Variants in DNAAF1 observed in about 807,000 individuals in gnomAD.
DNAAF1 encodes the protein dynein assembly factor 1, axonemal.
Under a neutral mutation model 71.1 loss-of-function variants are expected in DNAAF1, and 65 were observed. That is an observed-to-expected ratio of 0.91 (90% confidence interval 0.75 to 1.12). The LOEUF is 1.12. DNAAF1 is among the 50% of genes most tolerant of loss of function. DNAAF1 has a pLI of 0.00. For synonymous variants in DNAAF1, 414 were observed against 354.6 expected (o/e 1.17, Z -1.88); for missense variants, 1,178 against 899.8 (o/e 1.31, Z -3.96).
chr16:84,154,657 G>T lies in DNAAF1; in HGVS notation c.433G>T (p.Glu145Ter), dbSNP rs376980896. The T allele has an allele frequency of 1.2e-6, 2 of 1,614,128 alleles. No homozygotes were observed. Among genetic ancestry groups the T allele is most frequent in the South Asian group, 1.1e-5 (1 of 91,084 alleles). Residue 145 changes from glutamate to a stop codon, truncating the protein, a stop_gained, in exon 4 of 12, where the codon GAA becomes TAA. Coordinates refer to ENST00000378553, the MANE Select transcript of DNAAF1 (RefSeq NM_178452.6). LOFTEE classifies it high-confidence loss of function. Reference sequence around the variant, plus strand: ...GCAGAGCAATGGAATACAGAAAATCGAAAACCTGGAGGCCCAAACTGAGTT... The same window carrying T: ...GCAGAGCAATGGAATACAGAAAATCTAAAACCTGGAGGCCCAAACTGAGTT... Reference protein sequence around the residue: ...WLQSNGIQKIENLEAQTELRC... With the variant: ...WLQSNGIQKI
chr16:84,172,550 C>G (rs2151273529), intron 9 of DNAAF1, 175 bp downstream of exon 9: 1 of 1,440,102 alleles, frequency 6.9e-7, no homozygotes, highest in East Asian at 2.6e-5. Context: ...ACCCCAGGCC[C>G]ACTGATTAGA....
intron 8 of DNAAF1, 102 bp from the exon 9 acceptor site, chr16:84,172,158 T>C: frequency 9.1e-7 from 1 of 1,099,132 alleles, no homozygotes; most frequent in African/African-American, 1.6e-5. Flanking sequence ...ATTACAGGCA[T>C]GAGCCACCGA....
intron 3 of DNAAF1, among the ~76,000 whole-genome samples, chr16:84,153,807 C>T (rs2087289639): frequency 6.6e-6 from 1 of 152,170 alleles, no homozygotes; most frequent in South Asian, 2.1e-4. Context: ...ACAGTTTGCA[C>T]TAGGGTCAGG....
chr16:84,169,390 G>A (rs1459005100), intron 7 of DNAAF1, among the ~76,000 whole-genome samples: 1 of 151,376 alleles, frequency 6.6e-6, no homozygotes, highest in East Asian at 1.9e-4. Flanking sequence ...CCAGCGCCTC[G>A]AGGACACTTT....
chr16:84,165,823 G>A lies in DNAAF1; in HGVS notation c.904G>A (p.Glu302Lys). Residue 302 changes from glutamate (E) to lysine (K), a missense_variant, in exon 7 of 12, where the codon GAA (glutamate) becomes AAA (lysine). Physicochemically the swap from Glu to Lys is moderately conservative, Grantham distance 56. Coordinates refer to ENST00000378553, the MANE Select transcript of DNAAF1 (RefSeq NM_178452.6). ...EAWARGGYAA[E>K]KEERQQWESR... ...CTGGGCTAGGGGAGGGTACGCAGCT[G>A]AAAAGGAGGAGAGACAGCAGTGGGA... is the stretch of plus-strand genomic sequence containing the variant. 6.2e-7 allele frequency: 1 copy of A among 1,613,710 alleles called. No individual in the cohort carries two copies. Among genetic ancestry groups the A allele is most frequent in the Non-Finnish European group, 8.5e-7 (1 of 1,179,972 alleles).
At chr16:84,148,968 A>G (rs1229978927) in intron 1 of DNAAF1, 39 bp from the exon 2 acceptor site, 25 of 1,612,602 alleles carry the variant, frequency 1.6e-5, no homozygotes, top group African/African-American at 4.0e-5. Flanking sequence ...TTTGGCATAT[A>G]TCTTGATCTC....
At chr16:84,149,879 G>C (rs1313348229) in intron 2 of DNAAF1, among the ~76,000 whole-genome samples, 2 of 151,542 alleles carry the variant, frequency 1.3e-5, no homozygotes, top group Non-Finnish European at 2.9e-5. Context: ...ACAAAAATTA[G>C]CCAGGTGTGG....
chr16:84,176,253 T>A lies in DNAAF1; in HGVS notation c.2019T>A (p.Thr673=). Residue 673 remains threonine (T), a synonymous_variant, in exon 11 of 12, where the codon ACT becomes ACA. Transcript: ENST00000378553. ...PTCQRDAAPL[T]SSGDRDSDFL... The stretch of plus-strand genomic sequence containing the variant: ...GCCAAAGAGATGCTGCACCACTCAC[T>A]TCCAGTGGAGACAGGGACAGCGACT... 6.2e-7 allele frequency: 1 copy of A among 1,613,642 alleles called. No individual in the cohort carries two copies. Among genetic ancestry groups the A allele is most frequent in the South Asian group, 1.1e-5 (1 of 91,074 alleles).
At chr16:84,147,726 G>C (rs759534367) in intron 1 of DNAAF1, among the ~76,000 whole-genome samples, 1 of 151,524 alleles carries the variant, frequency 6.6e-6, no homozygotes, top group South Asian at 2.1e-4. Context: ...ATATTTATTT[G>C]AAGTCTTTTT....
intron 9 of DNAAF1, chr16:84,174,050 T>G (rs1249853981): frequency 3.5e-6 from 1 of 285,958 alleles, no homozygotes; most frequent in Non-Finnish European, 5.4e-6. Flanking sequence ...ACTATTATCA[T>G]CCCAATTTCC....
intron 6 of DNAAF1, among the ~76,000 whole-genome samples, chr16:84,160,702 A>G (rs1360982494): frequency 6.6e-6 from 1 of 151,738 alleles, no homozygotes; most frequent in East Asian, 1.9e-4. Flanking sequence ...TGGGAGGCCA[A>G]GGCGGGCGGA....
intron 9 of DNAAF1, chr16:84,172,819 C>T: frequency 1.9e-6 from 2 of 1,048,876 alleles, no homozygotes; most frequent in African/African-American, 1.7e-5. Context: ...CAGCAGGTAG[C>T]TTAGGCTCTC....
intron 5 of DNAAF1, among the ~76,000 whole-genome samples, chr16:84,157,159 G>A (rs532526833): frequency 2.6e-5 from 4 of 151,752 alleles, no homozygotes; most frequent in Non-Finnish European, 5.9e-5. Context: ...CATTATGAAC[G>A]CATACATTTA....
intron 1 of DNAAF1, among the ~76,000 whole-genome samples, chr16:84,148,467 G>T (rs1454914178): frequency 2.0e-5 from 3 of 151,594 alleles, no homozygotes; most frequent in Non-Finnish European, 2.9e-5. Flanking sequence ...AAATCTCTTT[G>T]TCCATGTTTT....
In DNAAF1 at chr16:84,176,268, G is replaced by C; in HGVS notation, c.2034G>C (p.Arg678Ser). 3 of 1,613,594 alleles carry C rather than the reference G, an allele frequency of 1.9e-6. No individual in the cohort carries two copies. Among genetic ancestry groups the C allele is most frequent in the Middle Eastern group, 1.6e-4 (1 of 6,062 alleles). ...DAAPLTSSGD[R>S]DSDFLAASSP... ...CACCACTCACTTCCAGTGGAGACAG[G>C]GACAGCGACTTCCTTGCAGCCTCTT... is the stretch of plus-strand genomic sequence containing the variant. The change falls in exon 11 of 12, where the codon AGG becomes AGC. Residue 678 changes from arginine to serine, a missense_variant. Coordinates refer to ENST00000378553, the MANE Select transcript of DNAAF1 (RefSeq NM_178452.6).
chr16:84,167,506 A>G (rs1214852689), intron 7 of DNAAF1, among the ~76,000 whole-genome samples: 1 of 152,050 alleles, frequency 6.6e-6, no homozygotes, highest in Non-Finnish European at 1.5e-5. Context: ...CACCCCCAAG[A>G]GCCGCCCCAT....
chr16:84,152,851 G>A (rs563843148), intron 3 of DNAAF1, among the ~76,000 whole-genome samples: 193 of 151,604 alleles, frequency 1.3e-3, no homozygotes, highest in Non-Finnish European at 1.8e-3. Context: ...CAGCTACTCA[G>A]GAGGCTGAGA....
At position 84,148,823 on chromosome 16, in the gene DNAAF1, C is replaced by T. The variant is rs377522867; in HGVS notation, c.125-184C>T. The stretch of plus-strand genomic sequence containing the variant: ...CAGGCTGGTCTCAAACACCTGGGCT[C>T]GAGCAATCTACCTGCCTCAGCCTCC... On this transcript the variant is annotated intron_variant, in intron 1 of 11. Coordinates refer to ENST00000378553, the MANE Select transcript of DNAAF1 (RefSeq NM_178452.6). 5.3e-5 allele frequency among the ~76,000 whole-genome samples: 8 copies of T among 151,370 alleles called. No homozygotes were observed. In the South Asian group the frequency reaches 1.0e-3, roughly 20 times the overall value.
At chr16:84,170,476 G>C (rs1367131208) in intron 8 of DNAAF1, 120 bp downstream of exon 8, 1 of 1,471,652 alleles carries the variant, frequency 6.8e-7, no homozygotes, top group Non-Finnish European at 9.3e-7. Flanking sequence ...GCTGTTTCTA[G>C]AAGATAATGG....
Sources: gnomAD v4.1 joint callset for allele counts (sites outside exome capture counted in the v4.1 genomes callset) on GRCh38, gnomAD v4.1.1 for gene constraint, MANE v1.5 for transcripts, NCBI Gene and HGNC (gene_info 2026-07-23, HGNC 2026-07-21) for gene names.